The following ECT2L variants were observed in gnomAD, a reference collection of about 807,000 sequenced individuals.
ECT2L encodes epithelial cell-transforming sequence 2 oncogene-like.
Under a neutral mutation model 122.8 loss-of-function variants are expected in ECT2L, and 126 were observed. That is an observed-to-expected ratio of 1.03 (90% CI 0.89 to 1.19). The LOEUF is 1.19. Among genes scored for constraint, ECT2L ranks in the 50% most tolerant of loss-of-function variants. ECT2L has a pLI of 0.00. For missense variants in ECT2L, 1,012 were observed against 1,064.1 expected (o/e 0.95, Z 0.68); for synonymous variants, 385 against 381.8 (o/e 1.01, Z -0.10).
chr6:138,836,580 T>C (rs1244135467), intron 4 of ECT2L, among the ~76,000 whole-genome samples: 1 of 151,858 alleles, frequency 6.6e-6, no homozygotes, highest in Non-Finnish European at 1.5e-5. Flanking sequence ...GAGCCACTCA[T>C]TGATGATTCT....
intron 10 of ECT2L, among the ~76,000 whole-genome samples, chr6:138,856,768 A>G (rs1777625711): frequency 6.6e-6 from 1 of 152,168 alleles, no homozygotes; most frequent in Admixed American, 6.6e-5. Context: ...AAGTGATACA[A>G]CCGTTCTGAT....
rs1779452644 is a variant in ECT2L at position 138,902,912 on chromosome 6, A to T, written c.*285A>T. ...GTAATTTGATGTGATGAAACCTAAG[A>T]CAGAGCAAGCACATTGTGTAAAGCT... On this transcript the variant is annotated 3_prime_UTR_variant, in exon 22 of 22. Coordinates refer to ENST00000541398, the MANE Select transcript of ECT2L (RefSeq NM_001077706.3). 3.0e-6 allele frequency: 1 copy of T among 328,272 alleles called. No homozygotes were observed. Among genetic ancestry groups the T allele is most frequent in the Non-Finnish European group, 5.6e-6 (1 of 177,916 alleles). The allele number at this position is 328,272 out of a possible 1,614,324, so 20.3% of individuals were successfully genotyped here.
Position 138,885,677 on chromosome 6 carries a change from G to T in ECT2L, c.2106G>T (p.Leu702=). ...CCCTTCTCTATGCCTCATACAGCCT[G>T]CCAGAGCTGCTGCTGTACCCATCCC... ...DKTIVTKMLS[L]PELLLYPSRR... The change falls in exon 18 of 22, where the codon CTG becomes CTT. Residue 702 remains leucine (L), a synonymous_variant. Transcript: ENST00000541398. 6.2e-7 allele frequency: 1 copy of T among 1,613,966 alleles called. No homozygotes were observed. The highest frequency in any genetic ancestry group is 8.5e-7 in the Non-Finnish European group (1 of 1,179,940).
intron 4 of ECT2L, among the ~76,000 whole-genome samples, chr6:138,825,654 C>T (rs531872092): frequency 5.3e-5 from 8 of 152,218 alleles, no homozygotes; most frequent in African/African-American, 1.9e-4. Context: ...ACCAATAATC[C>T]ACCACCCATA....
In ECT2L at chr6:138,888,989, C is replaced by G. The variant is rs761489110; in HGVS notation, c.2372C>G (p.Ala791Gly). The G allele has an allele frequency of 3.2e-6, 5 of 1,551,320 alleles. No homozygotes were observed. The African/African-American group carries it at 6.8e-5, about 21-fold the overall frequency. ...TATCTGATTAGGGTACAAGATGTAG[C>G]CCAACTTCATTGCTGTGATGAAGAA... is the stretch of plus-strand genomic sequence containing the variant. ...NRYLIRVQDV[A>G]QLHCCDEEIS... is the part of the protein sequence containing the mutation. The change falls in exon 20 of 22, where the codon GCC (alanine) becomes GGC (glycine). Residue 791 changes from alanine to glycine, a missense_variant. By Grantham distance (60) the Ala-to-Gly change is moderately conservative. Transcript: ENST00000541398.
At chr6:138,830,952 C>T (rs1038251256) in intron 4 of ECT2L, among the ~76,000 whole-genome samples, 2 of 152,170 alleles carry the variant, frequency 1.3e-5, no homozygotes, top group African/African-American at 4.8e-5. Context: ...AATTATATAT[C>T]CAGCTGCTTA....
At chr6:138,830,027 A>G (rs904291527) in intron 4 of ECT2L, among the ~76,000 whole-genome samples, 8 of 152,154 alleles carry the variant, frequency 5.3e-5, no homozygotes, top group Non-Finnish European at 1.2e-4. Context: ...CCCAGCCTAA[A>G]TTTCTGTGTT....
At chr6:138,840,277 A>G (rs1412482081) in intron 5 of ECT2L, among the ~76,000 whole-genome samples, 1 of 152,174 alleles carries the variant, frequency 6.6e-6, no homozygotes, top group Non-Finnish European at 1.5e-5. Context: ...ATATAAATGC[A>G]CCCACGCAGT....
intron 1 of ECT2L, among the ~76,000 whole-genome samples, chr6:138,808,854 C>G (rs1322264417): frequency 6.6e-6 from 1 of 150,738 alleles, no homozygotes; most frequent in Non-Finnish European, 1.5e-5. Flanking sequence ...AGCTTCCCGA[C>G]TAGCTGGGAC....
rs750706600 is a variant in ECT2L at position 138,862,682 on chromosome 6, G to A, written c.1254G>A (p.Thr418=). 58 of 1,613,954 alleles carry A rather than the reference G, an allele frequency of 3.6e-5. No homozygotes were observed. Among genetic ancestry groups the A allele is most frequent in the Non-Finnish European group, 4.8e-5 (57 of 1,179,984 alleles). The change falls in exon 11 of 22, where the codon ACG becomes ACA. Residue 418 remains threonine, a synonymous_variant. Coordinates refer to ENST00000541398, the MANE Select transcript of ECT2L (RefSeq NM_001077706.3). ...CTCAACTAACTGGCACGTTCTTTACGGCCCCCACTGGGATTGCAACTGGCT... is the reference window on the plus strand; with the variant it reads ...CTCAACTAACTGGCACGTTCTTTACAGCCCCCACTGGGATTGCAACTGGCT... ...QLSQLTGTFF[T]APTGIATGSY... is the part of the protein sequence containing the mutation.
At chr6:138,807,632 AT>A (rs999153693) in intron 1 of ECT2L, among the ~76,000 whole-genome samples, 3 of 152,022 alleles carry the variant, frequency 2.0e-5, no homozygotes, top group Non-Finnish European at 2.9e-5. Flanking sequence ...CCAGATACCA[AT>A]TTTTTTTGTT....
At chr6:138,848,689 T>A (rs746952351) in intron 8 of ECT2L, among the ~76,000 whole-genome samples, 2 of 152,198 alleles carry the variant, frequency 1.3e-5, no homozygotes, top group Admixed American at 6.5e-5. Context: ...ATGTGGGCCA[T>A]AGCTTCCACA....
In ECT2L at chr6:138,854,006, T is replaced by C. The variant is rs1012366578; in HGVS notation, c.1070-20T>C. 2 of 1,609,576 alleles carry C rather than the reference T, an allele frequency of 1.2e-6. No individual in the cohort carries two copies. The highest frequency in any genetic ancestry group is 1.3e-5 in the African/African-American group (1 of 74,660). ...TATTATGTTACAAGCTAATATGACA[T>C]TTTGATTTTTTTTCCTCAGGCTATA... On this transcript the variant is annotated intron_variant, in intron 9 of 21. Coordinates refer to ENST00000541398, the MANE Select transcript of ECT2L (RefSeq NM_001077706.3).
intron 7 of ECT2L, 88 bp downstream of exon 7, chr6:138,844,668 C>G: frequency 7.8e-7 from 1 of 1,277,890 alleles, no homozygotes; most frequent in Non-Finnish European, 1.1e-6. Context: ...ACGCAGAAAT[C>G]TTGTGTAATT....
chr6:138,849,568 C>G, intron 9 of ECT2L, 134 bp downstream of exon 9: 4 of 840,328 alleles, frequency 4.8e-6, no homozygotes, highest in Non-Finnish European at 3.4e-6. Context: ...ATGAAAAAAG[C>G]GAAGCTTTTT....
At chr6:138,833,913 G>A (rs1213657217) in intron 4 of ECT2L, among the ~76,000 whole-genome samples, 4 of 152,008 alleles carry the variant, frequency 2.6e-5, no homozygotes, top group East Asian at 1.9e-4. Context: ...GAAGCCACCC[G>A]ACAAGGCTTA....
chr6:138,833,617 A>G (rs1053532843), intron 4 of ECT2L, among the ~76,000 whole-genome samples: 19 of 152,210 alleles, frequency 1.2e-4, no homozygotes, highest in Non-Finnish European at 2.2e-4. Context: ...AGCCTGGCCA[A>G]CGTGACGAAA....
At chr6:138,856,514 A>C (rs1050927894) in intron 10 of ECT2L, among the ~76,000 whole-genome samples, 4 of 152,150 alleles carry the variant, frequency 2.6e-5, no homozygotes, top group African/African-American at 9.7e-5. Context: ...CACCTGGCCC[A>C]GCAATTCTTT....
At chr6:138,854,763 T>C (rs984093302) in intron 10 of ECT2L, among the ~76,000 whole-genome samples, 1 of 152,234 alleles carries the variant, frequency 6.6e-6, no homozygotes, top group African/African-American at 2.4e-5. Context: ...TGGCTAATGA[T>C]GACTGAGGTT....
Sources: allele counts gnomAD v4.1 joint callset (sites outside exome capture counted in the v4.1 genomes callset), GRCh38; gene constraint gnomAD v4.1.1; transcripts MANE v1.5; gene names NCBI Gene and HGNC (gene_info 2026-07-23, HGNC 2026-07-21).